SNX29: variants seen among roughly 807,000 people sequenced by gnomAD.
SNX29 encodes sorting nexin 29, also known as sorting nexin-29.
In SNX29, 78 loss-of-function variants were observed where a neutral mutation model predicts 102.1. The observed-to-expected ratio is 0.76, with a 90% CI of 0.64 to 0.92. SNX29 has a LOEUF of 0.92. SNX29 is among the 40% of genes least tolerant of loss of function. The probability of loss-of-function intolerance (pLI) is 0.00; values close to 1 mark genes in which losing one functional copy is unlikely to be tolerated. For synonymous variants in SNX29, 580 were observed against 414.5 expected (o/e 1.40, Z -4.85); for missense variants, 1,280 against 1,061.7 (o/e 1.21, Z -2.86).
intron 16 of SNX29, among the ~76,000 whole-genome samples, chr16:12,368,951 C>T (rs146702295): frequency 3.5e-4 from 53 of 152,254 alleles, no homozygotes; most frequent in African/African-American, 1.2e-3. Context: ...AAATCCTGAG[C>T]TCATGACCCA....
At chr16:12,073,261 G>T (rs2051382799) in intron 10 of SNX29, among the ~76,000 whole-genome samples, 1 of 152,100 alleles carries the variant, frequency 6.6e-6, no homozygotes, top group Non-Finnish European at 1.5e-5. Context: ...TAATTGTGAT[G>T]TTAGGGTGTG....
chr16:12,180,000 T>G (rs905473429), intron 13 of SNX29, among the ~76,000 whole-genome samples: 1 of 152,220 alleles, frequency 6.6e-6, no homozygotes, highest in African/African-American at 2.4e-5. Context: ...TTCAGTCTCT[T>G]TCAATGTGGA....
In SNX29 at chr16:12,572,035, C is replaced by T. The variant is rs1045781616; in HGVS notation, c.*3406C>T. On this transcript the variant is annotated 3_prime_UTR_variant, in exon 21 of 21. Transcript: ENST00000566228. Reference sequence around the variant, plus strand: ...GCTGCTGGCTATAAAAGGGATCATCCAGTGGAGTTGTAAACAAGGGAACCA... The same window carrying T: ...GCTGCTGGCTATAAAAGGGATCATCTAGTGGAGTTGTAAACAAGGGAACCA... 13 of 1,063,192 alleles carry T rather than the reference C, an allele frequency of 1.2e-5. No homozygotes were observed. In the South Asian group the frequency reaches 1.4e-4, roughly 11 times the overall value. 65.9% of individuals were successfully genotyped at this position (1,063,192 alleles called of 1,614,324 possible).
chr16:12,150,510 G>A (rs892018130), intron 13 of SNX29, among the ~76,000 whole-genome samples: 4 of 152,194 alleles, frequency 2.6e-5, no homozygotes, highest in East Asian at 1.9e-4. Context: ...AGATTGTGCC[G>A]CCTTTGTTAA....
intron 15 of SNX29, among the ~76,000 whole-genome samples, chr16:12,342,129 G>A (rs2081626842): frequency 6.6e-6 from 1 of 152,168 alleles, no homozygotes; most frequent in South Asian, 2.1e-4. Flanking sequence ...TCTGTTGGGG[G>A]TGGCCTAGGC....
intron 14 of SNX29, among the ~76,000 whole-genome samples, chr16:12,253,596 G>A (rs933395044): frequency 2.6e-5 from 4 of 152,174 alleles, no homozygotes; most frequent in Non-Finnish European, 5.9e-5. Context: ...CAGGCAGGGG[G>A]ATGGTGGCGG....
intron 19 of SNX29, among the ~76,000 whole-genome samples, chr16:12,497,213 G>T (rs764923541): frequency 1.8e-4 from 28 of 152,338 alleles, no homozygotes; most frequent in African/African-American, 3.1e-4. Flanking sequence ...TGGCAGAAAG[G>T]CCCTGAAGTA....
At chr16:12,376,736 CA>C (rs71408262) in intron 16 of SNX29, among the ~76,000 whole-genome samples, 279 of 77,936 alleles carry the variant, frequency 3.6e-3, no homozygotes, top group African/African-American at 0.011. Context: ...GACTCTGTCT[CA>C]AAAAAAAAAA....
intron 20 of SNX29, among the ~76,000 whole-genome samples, chr16:12,567,689 G>A (rs544778960): frequency 2.0e-5 from 3 of 152,284 alleles, no homozygotes; most frequent in East Asian, 1.9e-4. Flanking sequence ...TTGAGCCCAG[G>A]AGATCGAGGC....
intron 19 of SNX29, among the ~76,000 whole-genome samples, chr16:12,485,205 C>T (rs1391860248): frequency 6.6e-6 from 1 of 152,148 alleles, no homozygotes; most frequent in Admixed American, 6.5e-5. Context: ...TTTTGGAGAC[C>T]GGAAAGGTGG....
At chr16:12,550,137 A>G (rs989725314) in intron 20 of SNX29, among the ~76,000 whole-genome samples, 23 of 152,254 alleles carry the variant, frequency 1.5e-4, no homozygotes, top group African/African-American at 5.3e-4. Context: ...TGTAAAGGGA[A>G]TACCTTCCAT....
intron 1 of SNX29, among the ~76,000 whole-genome samples, chr16:11,982,107 A>G (rs1596521427): frequency 6.6e-6 from 1 of 152,182 alleles, no homozygotes; most frequent in East Asian, 1.9e-4. Flanking sequence ...AAATTAAAAC[A>G]TACTGAAGAC....
chr16:12,469,826 C>A (rs1213481539), intron 18 of SNX29, among the ~76,000 whole-genome samples: 2 of 152,146 alleles, frequency 1.3e-5, no homozygotes, highest in African/African-American at 4.8e-5. Context: ...GCCTGGCCAA[C>A]ATGGTGAAAC....
chr16:12,180,313 G>A (rs764996300), intron 13 of SNX29, among the ~76,000 whole-genome samples: 36 of 152,070 alleles, frequency 2.4e-4, no homozygotes, highest in African/African-American at 2.9e-4. Flanking sequence ...TGGTTCTGGC[G>A]TACGTTGTTC....
At chr16:12,338,701 C>G (rs752689322) in intron 15 of SNX29, among the ~76,000 whole-genome samples, 1 of 152,216 alleles carries the variant, frequency 6.6e-6, no homozygotes, top group Non-Finnish European at 1.5e-5. Context: ...TAAGGGACAT[C>G]ATCCTTGACC....
intron 15 of SNX29, among the ~76,000 whole-genome samples, chr16:12,326,052 G>A (rs952595002): frequency 6.6e-6 from 1 of 151,718 alleles, no homozygotes; most frequent in African/African-American, 2.4e-5. Context: ...TTGAGATGGA[G>A]CCTCACTCTG....
intron 11 of SNX29, among the ~76,000 whole-genome samples, chr16:12,117,629 G>T (rs563642681): frequency 6.6e-6 from 1 of 152,352 alleles, no homozygotes; most frequent in South Asian, 2.1e-4. Flanking sequence ...GAAATGGGAA[G>T]AAATTGCTTA....
rs2079143678 is a variant in SNX29 at position 12,569,648 on chromosome 16, C to G, written c.*1019C>G. The G allele has an allele frequency of 4.4e-6, 1 of 228,440 alleles. No homozygotes were observed. Among genetic ancestry groups the G allele is most frequent in the South Asian group, 1.8e-4 (1 of 5,496 alleles). The allele number at this position is 228,440 out of a possible 1,614,324, so 14.2% of individuals were successfully genotyped here. The stretch of plus-strand genomic sequence containing the variant: ...TCTGCATCCCCTAAGACAGAGTCCT[C>G]TGTTCCTCCCATGTCAGGTGGCTCT... On this transcript the variant is annotated 3_prime_UTR_variant, in exon 21 of 21. Coordinates refer to ENST00000566228, the MANE Select transcript of SNX29 (RefSeq NM_032167.5).
chr16:12,398,422 C>G (rs199850847), intron 16 of SNX29, 24 bp from the exon 17 acceptor site: 52 of 1,613,578 alleles, frequency 3.2e-5, no homozygotes, highest in Admixed American at 8.3e-5. Context: ...TTTTTCTCCC[C>G]TCTCCCCCTT....
Sources: allele counts gnomAD v4.1 joint callset (sites outside exome capture counted in the v4.1 genomes callset), GRCh38; gene constraint gnomAD v4.1.1; transcripts MANE v1.5; gene names NCBI Gene and HGNC (gene_info 2026-07-23, HGNC 2026-07-21).